The following IL4I1 variants were observed in gnomAD, a reference collection of about 807,000 sequenced individuals.
IL4I1 encodes the protein L-amino-acid oxidase.
Under a neutral mutation model 29.7 loss-of-function variants are expected in IL4I1, and 24 were observed. The ratio of observed to expected loss-of-function variants is 0.81; its 90% CI spans 0.59 to 1.14. The LOEUF (loss-of-function observed/expected upper bound fraction) is 1.14, where lower values mean the gene tolerates loss of function less well. Among genes scored for constraint, IL4I1 ranks in the 50% most tolerant of loss-of-function variants. IL4I1 has a pLI of 0.00. For synonymous variants in IL4I1, 371 were observed against 352.5 expected (o/e 1.05, Z -0.59); for missense variants, 686 against 785.6 (o/e 0.87, Z 1.52).
At chr19:49,903,743 T>C (rs1417354873) in intron 3 of IL4I1, among the ~76,000 whole-genome samples, 1 of 152,070 alleles carries the variant, frequency 6.6e-6, no homozygotes, top group Admixed American at 6.6e-5. Context: ...AAATAAATTG[T>C]ATTGATGATT....
intron 2 of IL4I1, chr19:49,909,759 T>C (rs756899788): frequency 1.2e-6 from 2 of 1,613,936 alleles, no homozygotes. Flanking sequence ...GTGCCAAACG[T>C]GAACCCGCCT....
chr19:49,890,734 C>A, intron 7 of IL4I1, 134 bp from the exon 8 acceptor site: 1 of 893,382 alleles, frequency 1.1e-6, no homozygotes, highest in Non-Finnish European at 1.6e-6. Context: ...CTCTCCCGAC[C>A]CCGCCCGTCC....
At chr19:49,917,412 C>A (rs2075652234) in intron 2 of IL4I1, among the ~76,000 whole-genome samples, 1 of 152,222 alleles carries the variant, frequency 6.6e-6, no homozygotes, top group South Asian at 2.1e-4. Context: ...CAAAGAAAAT[C>A]CCCCTAAACC....
chr19:49,905,483 G>C (rs2075310080), intron 2 of IL4I1, among the ~76,000 whole-genome samples: 1 of 152,232 alleles, frequency 6.6e-6, no homozygotes, highest in African/African-American at 2.4e-5. Context: ...AGCTTTCAGA[G>C]AGAAGTAGCT....
intron 2 of IL4I1, chr19:49,906,686 AC>A (rs1027085433): frequency 1.3e-5 from 2 of 152,034 alleles, no homozygotes; most frequent in African/African-American, 4.8e-5. Flanking sequence ...TTCATCGCAT[AC>A]CCCTATGTCT....
intron 2 of IL4I1, among the ~76,000 whole-genome samples, chr19:49,914,727 T>G (rs1441491330): frequency 5.5e-5 from 2 of 36,188 alleles, no homozygotes; most frequent in South Asian, 1.0e-3. Context: ...CAAGTCCCAG[T>G]TTTTTTTTTT....
chr19:49,896,964 G>A, upstream of IL4I1: 2 of 868,288 alleles, frequency 2.3e-6, no homozygotes, highest in Non-Finnish European at 2.8e-6. Context: ...ACTGGCCGAG[G>A]GAAATGAAAC....
chr19:49,922,759 T>G (rs2075795319), intron 2 of IL4I1, among the ~76,000 whole-genome samples: 1 of 151,594 alleles, frequency 6.6e-6, no homozygotes, highest in East Asian at 1.9e-4. Flanking sequence ...ACCAGCAGCT[T>G]TGCACCACCA....
At position 49,890,833 on chromosome 19, in the gene IL4I1, C is replaced by G. The variant is rs1018625647; in HGVS notation, c.773+138G>C. The G allele has an allele frequency of 1.9e-5, 16 of 837,322 alleles. 1 individual carries two copies. Among genetic ancestry groups the G allele is most frequent in the Non-Finnish European group, 2.7e-5 (15 of 553,184 alleles). 51.9% of individuals were successfully genotyped at this position (837,322 alleles called of 1,614,324 possible). ...TAGGCCGTGTCCTTTATCTGGGAAC[C>G]CTTAGCCCCGCGACCATCAATTAGG... On this transcript the variant is annotated intron_variant, in intron 7 of 7. Coordinates refer to ENST00000391826, the MANE Select transcript of IL4I1 (RefSeq NM_152899.2).
At chr19:49,891,534 C>T (rs1220760531) in intron 5 of IL4I1, 61 bp from the exon 6 acceptor site, 18 of 1,447,570 alleles carry the variant, frequency 1.2e-5, no homozygotes, top group Admixed American at 1.7e-5. Context: ...GGAGGCCGGG[C>T]CTGGAGCCCA....
chr19:49,922,005 A>G (rs933754546), intron 2 of IL4I1, among the ~76,000 whole-genome samples: 1 of 152,210 alleles, frequency 6.6e-6, no homozygotes, highest in African/African-American at 2.4e-5. Flanking sequence ...CACGACCACG[A>G]GGGACCAAGA....
intron 2 of IL4I1, among the ~76,000 whole-genome samples, chr19:49,920,749 C>A (rs537238025): frequency 6.6e-6 from 1 of 152,178 alleles, no homozygotes; most frequent in Non-Finnish European, 1.5e-5. Context: ...CTCTGGTTGG[C>A]GGTGCAGGCA....
At position 49,890,346 on chromosome 19, in the gene IL4I1, G is replaced by T. The variant is rs1266933124; in HGVS notation, c.1028C>A (p.Ala343Glu). Reference protein sequence around the residue: ...SPPLPRHMQEALRRLHYVPAT... With the variant: ...SPPLPRHMQEELRRLHYVPAT... ...CGGCACGTAGTGCAGCCTCCGCAGC[G>T]CCTCCTGCATGTGGCGGGGCAGCGG... The change falls in exon 8 of 8, where the codon GCG (alanine) becomes GAG (glutamate). Residue 343 changes from alanine to glutamate, a missense_variant. Transcript: ENST00000391826. 2 of 1,607,244 alleles carry T rather than the reference G, an allele frequency of 1.2e-6. No individual in the cohort carries two copies. The highest frequency in any genetic ancestry group is 1.7e-6 in the Non-Finnish European group (2 of 1,177,366).
upstream of IL4I1, among the ~76,000 whole-genome samples, chr19:49,897,811 T>C (rs1049612247): frequency 1.4e-4 from 21 of 151,972 alleles, no homozygotes; most frequent in Admixed American, 1.0e-3. Context: ...GGGAGGCAGA[T>C]TCTCTGCAGC....
At chr19:49,909,792 A>C in intron 2 of IL4I1, 1 of 1,614,076 alleles carries the variant, frequency 6.2e-7, no homozygotes, top group Non-Finnish European at 8.5e-7. Context: ...GTGCCTCCAA[A>C]ATTAAACCCG....
At chr19:49,911,047 G>A (rs1229505985) in intron 2 of IL4I1, 1 of 152,256 alleles carries the variant, frequency 6.6e-6, no homozygotes, top group Non-Finnish European at 1.5e-5. Flanking sequence ...TAGGACTACA[G>A]GTGCATGCCA....
intron 5 of IL4I1, among the ~76,000 whole-genome samples, chr19:49,893,778 G>C (rs1332649037): frequency 6.6e-6 from 1 of 151,970 alleles, no homozygotes; most frequent in Non-Finnish European, 1.5e-5. Context: ...CACGAGGTCA[G>C]GAGTTCAAGA....
upstream of IL4I1, among the ~76,000 whole-genome samples, chr19:49,897,774 A>AG (rs1408589718): frequency 3.7e-5 from 5 of 134,222 alleles, no homozygotes; most frequent in African/African-American, 1.7e-4. Context: ...AGAGGGAGCC[A>AG]GGGGCTCCGT....
chr19:49,899,561 T>G (rs1352340820), upstream of IL4I1, among the ~76,000 whole-genome samples: 44 of 147,616 alleles, frequency 3.0e-4, no homozygotes, highest in Non-Finnish European at 5.4e-4. Context: ...TTGTTTTTTT[T>G]GTTTTTTTTA....
Sources: allele counts gnomAD v4.1 joint callset (sites outside exome capture counted in the v4.1 genomes callset), GRCh38; gene constraint gnomAD v4.1.1; transcripts MANE v1.5; gene names NCBI Gene and HGNC (gene_info 2026-07-23, HGNC 2026-07-21).